The following UGGT2 variants were observed in gnomAD, a reference collection of about 807,000 sequenced individuals.
UGGT2 encodes UDP-glucose glycoprotein glucosyltransferase 2.
UGGT2 carries 180 observed loss-of-function variants against 192.1 expected under a neutral mutation model. That is an observed-to-expected ratio of 0.94 (90% CI 0.83 to 1.06). The LOEUF is 1.06. Ranked by LOEUF, UGGT2 falls within the 50% of genes least tolerant of loss-of-function variation. The probability of loss-of-function intolerance (pLI) is 0.00; values close to 1 mark genes in which losing one functional copy is unlikely to be tolerated. For missense variants in UGGT2, 1,849 were observed against 1,795.7 expected (o/e 1.03, Z -0.54); for synonymous variants, 580 against 591.0 (o/e 0.98, Z 0.27).
intron 8 of UGGT2, among the ~76,000 whole-genome samples, chr13:95,988,280 G>A (rs1280734305): frequency 2.0e-5 from 3 of 152,076 alleles, no homozygotes; most frequent in East Asian, 1.9e-4. Flanking sequence ...CTAATGTAAG[G>A]CCACTATTTG....
At chr13:95,847,714 A>G (rs1888615901) in intron 36 of UGGT2, among the ~76,000 whole-genome samples, 1 of 152,230 alleles carries the variant, frequency 6.6e-6, no homozygotes, top group African/African-American at 2.4e-5. Flanking sequence ...ACTAAAAGAC[A>G]TCTTGGTTGG....
intron 38 of UGGT2, among the ~76,000 whole-genome samples, chr13:95,816,831 A>C (rs1000919131): frequency 2.0e-5 from 3 of 152,326 alleles, no homozygotes; most frequent in South Asian, 2.1e-4. Flanking sequence ...TATTAGTAAA[A>C]AGTCACTAAA....
intron 4 of UGGT2, among the ~76,000 whole-genome samples, chr13:96,020,994 G>C (rs185700205): frequency 2.4e-4 from 36 of 152,312 alleles, no homozygotes; most frequent in African/African-American, 7.0e-4. Context: ...AGTCCCACAG[G>C]GGGTGACAAA....
intron 12 of UGGT2, among the ~76,000 whole-genome samples, chr13:95,962,844 T>C (rs1321615293): frequency 6.6e-6 from 1 of 152,018 alleles, no homozygotes; most frequent in East Asian, 1.9e-4. Flanking sequence ...GAAAAAGGGT[T>C]CAAAGGACTT....
intron 17 of UGGT2, among the ~76,000 whole-genome samples, chr13:95,928,411 G>C (rs1025083117): frequency 6.6e-6 from 1 of 151,616 alleles, no homozygotes; most frequent in Non-Finnish European, 1.5e-5. Context: ...GGCGGCTGCC[G>C]GGCGGAGGGG....
At chr13:95,888,771 A>G (rs570700731) in intron 25 of UGGT2, among the ~76,000 whole-genome samples, 1 of 152,046 alleles carries the variant, frequency 6.6e-6, no homozygotes, top group Non-Finnish European at 1.5e-5. Context: ...ATTACCAATG[A>G]TGGAAACTGG....
Position 95,983,836 on chromosome 13 carries a change from G to T in UGGT2, c.1060C>A (p.His354Asn), listed in dbSNP as rs746938227. The change falls in exon 10 of 39, where the codon CAT becomes AAT. Residue 354 changes from histidine (H) to asparagine (N), a missense_variant. By Grantham distance (68) the His-to-Asn change is moderately conservative. Coordinates refer to ENST00000376747, the MANE Select transcript of UGGT2 (RefSeq NM_020121.4). Reference protein sequence around the residue: ...RSLTRIAVNQHMREEIKENQK... With the variant: ...RSLTRIAVNQNMREEIKENQK... ...TTTTCCTTTATTTCTTCTCTCATAT[G>T]TTGATTTACAGCAATTCTGGTTAGA... is the stretch of plus-strand genomic sequence containing the variant. The T allele has an allele frequency of 1.3e-5, 21 of 1,568,404 alleles. No homozygotes were observed. The highest frequency in any genetic ancestry group is 1.7e-4 in the Middle Eastern group (1 of 5,902).
At position 95,892,720 on chromosome 13, in the gene UGGT2, G is replaced by A. The variant is rs561734872; in HGVS notation, c.2856-1756C>T. The stretch of plus-strand genomic sequence containing the variant: ...TAGCATCCTCTTTATAAAGGCTCCC[G>A]GGAGAAATTCCTCTGTCTTCCCTCT... On this transcript the variant is annotated intron_variant, in intron 24 of 38. Coordinates refer to ENST00000376747, the MANE Select transcript of UGGT2 (RefSeq NM_020121.4). 1.1e-4 allele frequency among the ~76,000 whole-genome samples: 16 copies of A among 152,146 alleles called. No individual in the cohort carries two copies. In the South Asian group the frequency reaches 1.9e-3, roughly 18 times the overall value.
chr13:95,913,291 G>C (rs970668221), intron 20 of UGGT2, among the ~76,000 whole-genome samples: 1 of 152,174 alleles, frequency 6.6e-6, no homozygotes, highest in African/African-American at 2.4e-5. Context: ...TATCATCAGA[G>C]TGAACAGGCA....
chr13:95,850,964 A>C (rs1197348978), intron 36 of UGGT2, among the ~76,000 whole-genome samples: 1 of 152,226 alleles, frequency 6.6e-6, no homozygotes, highest in Admixed American at 6.5e-5. Context: ...GATATGAAGG[A>C]ATAAAGACTT....
intron 4 of UGGT2, among the ~76,000 whole-genome samples, chr13:96,018,650 A>G (rs2052413020): frequency 1.3e-5 from 2 of 152,112 alleles, no homozygotes; most frequent in East Asian, 3.9e-4. Context: ...AAATAAAACT[A>G]CTGTTAAGAA....
intron 12 of UGGT2, among the ~76,000 whole-genome samples, chr13:95,958,215 G>A (rs887704807): frequency 6.6e-5 from 10 of 151,680 alleles, no homozygotes; most frequent in Non-Finnish European, 1.0e-4. Flanking sequence ...GCAGTGGCAC[G>A]ATCTTGGCTC....
At chr13:95,814,491 G>A (rs1465366323) in intron 38 of UGGT2, among the ~76,000 whole-genome samples, 1 of 152,088 alleles carries the variant, frequency 6.6e-6, no homozygotes, top group Non-Finnish European at 1.5e-5. Context: ...TTTTCCTTTT[G>A]GAAGAGGAAT....
intron 15 of UGGT2, among the ~76,000 whole-genome samples, chr13:95,943,455 T>C (rs2140557762): frequency 6.6e-6 from 1 of 152,130 alleles, no homozygotes; most frequent in Non-Finnish European, 1.5e-5. Context: ...CTTGTCATTG[T>C]AAATGTAGGA....
intron 38 of UGGT2, among the ~76,000 whole-genome samples, chr13:95,821,836 T>C (rs529314566): frequency 1.9e-4 from 29 of 152,190 alleles, no homozygotes; most frequent in Non-Finnish European, 4.0e-4. Flanking sequence ...CCCCAGTTTA[T>C]GTTTTTTAAT....
intron 7 of UGGT2, among the ~76,000 whole-genome samples, chr13:95,991,773 C>T (rs936481890): frequency 9.2e-5 from 14 of 152,166 alleles, no homozygotes; most frequent in African/African-American, 3.4e-4. Context: ...ATAACTTTCA[C>T]TGCTAAAATT....
intron 17 of UGGT2, among the ~76,000 whole-genome samples, chr13:95,932,163 T>C (rs773335983): frequency 1.1e-4 from 16 of 152,226 alleles, no homozygotes; most frequent in Non-Finnish European, 1.9e-4. Context: ...AGTATGGCCA[T>C]GTTAACAATA....
At chr13:95,977,738 C>A (rs1178894426) in intron 10 of UGGT2, among the ~76,000 whole-genome samples, 3 of 152,156 alleles carry the variant, frequency 2.0e-5, no homozygotes, top group Non-Finnish European at 4.4e-5. Flanking sequence ...AAGACAAATG[C>A]ACACGTATGT....
chr13:95,954,649 T>C (rs58004448), intron 12 of UGGT2, among the ~76,000 whole-genome samples: 2,572 of 152,336 alleles, frequency 0.017, 73 homozygotes, highest in African/African-American at 0.059. Flanking sequence ...AATCTGCCTA[T>C]AACCTGGAAG....
Sources: gnomAD v4.1 joint callset for allele counts (sites outside exome capture counted in the v4.1 genomes callset) on GRCh38, gnomAD v4.1.1 for gene constraint, MANE v1.5 for transcripts, NCBI Gene and HGNC (gene_info 2026-07-23, HGNC 2026-07-21) for gene names.